Variants in STIM1 observed in about 807,000 individuals in gnomAD.
STIM1 encodes the protein stromal interaction molecule 1.
Under a neutral mutation model 74.7 loss-of-function variants are expected in STIM1, and 25 were observed. The ratio of observed to expected loss-of-function variants is 0.33; its 90% CI spans 0.24 to 0.47. STIM1 has a LOEUF of 0.47. STIM1 is among the 20% of genes least tolerant of loss of function. The pLI is 1.00. For missense variants in STIM1, 728 were observed against 920.8 expected (o/e 0.79, Z 2.71); for synonymous variants, 328 against 348.8 (o/e 0.94, Z 0.66).
chr11:3,864,374 G>T (rs912487190), intron 1 of STIM1, among the ~76,000 whole-genome samples: 2 of 152,178 alleles, frequency 1.3e-5, no homozygotes, highest in Admixed American at 1.3e-4. Flanking sequence ...GGTACCTCTG[G>T]CTCAGAGTCT....
chr11:4,068,162 T>G (rs2094380308), intron 5 of STIM1, among the ~76,000 whole-genome samples: 1 of 152,212 alleles, frequency 6.6e-6, no homozygotes, highest in Non-Finnish European at 1.5e-5. Flanking sequence ...GATCTTATCC[T>G]TGGCCTTGGT....
intron 1 of STIM1, among the ~76,000 whole-genome samples, chr11:3,954,031 C>T (rs1182990363): frequency 6.6e-6 from 1 of 152,120 alleles, no homozygotes; most frequent in Non-Finnish European, 1.5e-5. Context: ...GATCCTTAGC[C>T]TCCCAAAGTG....
intron 2 of STIM1, among the ~76,000 whole-genome samples, chr11:3,981,977 C>A (rs1457500075): frequency 6.6e-6 from 1 of 151,746 alleles, no homozygotes; most frequent in South Asian, 2.1e-4. Context: ...TGGAAAGTTT[C>A]TCTCTCTCTC....
intron 7 of STIM1, among the ~76,000 whole-genome samples, chr11:4,081,814 A>C (rs1037926787): frequency 6.6e-5 from 10 of 152,240 alleles, no homozygotes; most frequent in African/African-American, 2.4e-4. Context: ...GATGTCTTGA[A>C]GTCTAAGCAC....
intron 6 of STIM1, among the ~76,000 whole-genome samples, chr11:4,070,624 A>G (rs1389258935): frequency 6.6e-6 from 1 of 152,194 alleles, no homozygotes; most frequent in Non-Finnish European, 1.5e-5. Flanking sequence ...TCTTATAAGG[A>G]GTCTAAATCT....
intron 1 of STIM1, among the ~76,000 whole-genome samples, chr11:3,890,400 G>T (rs2091858140): frequency 6.6e-6 from 1 of 152,160 alleles, no homozygotes; most frequent in African/African-American, 2.4e-5. Flanking sequence ...TGGTACCTCA[G>T]AAGTCTTAAG....
chr11:4,015,445 A>G lies in STIM1; in HGVS notation c.271-8428A>G, dbSNP rs547924225. On this transcript the variant is annotated intron_variant, in intron 2 of 12. Transcript: ENST00000526596. ...GTCTGATGGGCTTCCCTTTGTGGGT[A>G]ACCCGACCTCTCTCTCTGGCTGCCC... is the stretch of plus-strand genomic sequence containing the variant. 3.3e-5 allele frequency among the ~76,000 whole-genome samples: 5 copies of G among 152,302 alleles called. No homozygotes were observed. In the South Asian group the frequency reaches 1.0e-3, roughly 32 times the overall value.
rs766506731 is a variant in STIM1 at position 3,917,474 on chromosome 11, G to A, written c.140-50078G>A. The stretch of plus-strand genomic sequence containing the variant: ...TTTTGAGACAGGGTCTGGCTCTGTC[G>A]GCCAGGCTGGAGTGCAGTGACACGA... On this transcript the variant is annotated intron_variant, in intron 1 of 12. Coordinates refer to ENST00000526596, the MANE Select transcript of STIM1 (RefSeq NM_001382567.1). Among the ~76,000 whole-genome samples the A allele has an allele frequency of 5.9e-4, 87 of 147,722 alleles. 1 individual carries two copies. The highest frequency in any genetic ancestry group is 1.0e-3 in the Admixed American group (15 of 14,728).
intron 1 of STIM1, among the ~76,000 whole-genome samples, chr11:3,862,681 C>T (rs1354918554): frequency 1.3e-5 from 2 of 152,046 alleles, no homozygotes; most frequent in Non-Finnish European, 2.9e-5. Context: ...CTCCTGACCT[C>T]GTGATCTGTC....
chr11:3,932,647 G>T (rs946257006), intron 1 of STIM1, among the ~76,000 whole-genome samples: 4 of 139,164 alleles, frequency 2.9e-5, no homozygotes, highest in African/African-American at 1.1e-4. Context: ...GGGCAAGAGT[G>T]CAAGACTCTG....
intron 2 of STIM1, among the ~76,000 whole-genome samples, chr11:4,021,889 A>G (rs1045586567): frequency 2.0e-5 from 3 of 152,044 alleles, no homozygotes; most frequent in Non-Finnish European, 4.4e-5. Flanking sequence ...CATTGTAGAG[A>G]TCTTTTACCT....
chr11:3,905,130 T>C (rs561277392), intron 1 of STIM1, among the ~76,000 whole-genome samples: 28 of 151,914 alleles, frequency 1.8e-4, no homozygotes, highest in Admixed American at 5.2e-4. Flanking sequence ...AAAGCAATAG[T>C]GTCTGTTGCA....
intron 1 of STIM1, among the ~76,000 whole-genome samples, chr11:3,863,764 G>A (rs1476525127): frequency 3.9e-5 from 6 of 152,074 alleles, no homozygotes; most frequent in Non-Finnish European, 7.4e-5. Context: ...CAGATCGACT[G>A]TCTTGGTGTC....
At chr11:4,081,687 C>T (rs1158800027) in intron 7 of STIM1, among the ~76,000 whole-genome samples, 3 of 152,234 alleles carry the variant, frequency 2.0e-5, no homozygotes, top group Non-Finnish European at 4.4e-5. Flanking sequence ...AGTCCTTCCT[C>T]ACACTGAATT....
chr11:4,021,250 C>T (rs1437523212), intron 2 of STIM1, among the ~76,000 whole-genome samples: 1 of 152,074 alleles, frequency 6.6e-6, no homozygotes, highest in Non-Finnish European at 1.5e-5. Flanking sequence ...TTCAGCCTCC[C>T]GAGTAACTGG....
intron 7 of STIM1, among the ~76,000 whole-genome samples, chr11:4,076,773 G>T (rs2094440066): frequency 6.9e-6 from 1 of 144,050 alleles, no homozygotes. Context: ...TTTTTATTGT[G>T]GTTCCTTTTT....
intron 1 of STIM1, among the ~76,000 whole-genome samples, chr11:3,937,484 C>T (rs2092949146): frequency 6.6e-6 from 1 of 152,072 alleles, no homozygotes; most frequent in African/African-American, 2.4e-5. Flanking sequence ...ATCTTATTGG[C>T]CTGCTAGCGG....
chr11:4,085,880 T>G (rs2094490521), intron 11 of STIM1, among the ~76,000 whole-genome samples: 1 of 152,222 alleles, frequency 6.6e-6, no homozygotes, highest in Non-Finnish European at 1.5e-5. Flanking sequence ...CCTCTGAACA[T>G]TTTAATAGGC....
intron 1 of STIM1, 73 bp from the exon 2 acceptor site, chr11:3,967,479 A>G: frequency 3.1e-6 from 5 of 1,610,702 alleles, no homozygotes; most frequent in Non-Finnish European, 4.2e-6. Context: ...GAAGCTAAGG[A>G]TGCTGACACA....
Sources: allele counts gnomAD v4.1 joint callset (sites outside exome capture counted in the v4.1 genomes callset), GRCh38; gene constraint gnomAD v4.1.1; transcripts MANE v1.5; gene names NCBI Gene and HGNC (gene_info 2026-07-23, HGNC 2026-07-21).